Variants in RFC3 observed in about 807,000 individuals in gnomAD.
The protein encoded by RFC3 is replication factor C subunit 3.
RFC3 carries 41 observed loss-of-function variants against 45.1 expected under a neutral mutation model. That is an observed-to-expected ratio of 0.91 (90% CI 0.71 to 1.18). The LOEUF is 1.18. Among genes scored for constraint, RFC3 ranks in the 50% most tolerant of loss-of-function variants. RFC3 has a pLI of 0.00. For missense variants in RFC3, 423 were observed against 428.1 expected (o/e 0.99, Z 0.10); for synonymous variants, 149 against 144.0 (o/e 1.03, Z -0.25).
In RFC3 at chr13:33,877,360, C is replaced by T. The variant is rs1296436762; in HGVS notation, c.879+42143C>T. Among the ~76,000 whole-genome samples the T allele has an allele frequency of 4.6e-5, 7 of 152,266 alleles. No homozygotes were observed. The East Asian group carries it at 5.8e-4, about 13-fold the overall frequency. ...CTTTCATTAAATGATCACAGTGCTCCTATGGAGAGAATCTCATTAACTGCA... is the reference window on the plus strand; with the variant it reads ...CTTTCATTAAATGATCACAGTGCTCTTATGGAGAGAATCTCATTAACTGCA... On this transcript the variant is annotated intron_variant, in intron 8 of 8. Coordinates refer to the RFC3 transcript ENST00000434425.
intron 8 of RFC3, among the ~76,000 whole-genome samples, chr13:33,875,780 C>T (rs1490863227): frequency 6.6e-6 from 1 of 151,994 alleles, no homozygotes; most frequent in Admixed American, 6.6e-5. Context: ...ATATGTTCCC[C>T]GTCAATCACT....
intron 8 of RFC3, among the ~76,000 whole-genome samples, chr13:33,910,229 A>G (rs185302412): frequency 4.6e-5 from 7 of 152,208 alleles, no homozygotes; most frequent in Admixed American, 2.0e-4. Context: ...TCTCTCAAAA[A>G]GAGATAACAT....
chr13:33,975,372 A>G, the RFC3 span, among the ~76,000 whole-genome samples: 3 of 152,238 alleles, frequency 2.0e-5, no homozygotes, highest in Admixed American at 2.0e-4. Flanking sequence ...AGTGGTTGCT[A>G]GAAGTTCCAT....
At chr13:33,840,597 TG>T (rs59904362), downstream of RFC3, among the ~76,000 whole-genome samples, 129,326 of 149,758 alleles carry the variant, frequency 0.86, 56,445 homozygotes, top group Non-Finnish European at 0.93. Context: ...TTTTTGTGTG[TG>T]TTTTTTTTTA....
intron 4 of RFC3, among the ~76,000 whole-genome samples, chr13:33,827,386 ACT>A (rs1190809216): frequency 3.9e-5 from 6 of 152,334 alleles, no homozygotes; most frequent in African/African-American, 1.2e-4. Context: ...CTGCTTAGTC[ACT>A]GTTTCAAACA....
At chr13:33,904,478 G>A (rs1384412851) in intron 8 of RFC3, among the ~76,000 whole-genome samples, 1 of 151,940 alleles carries the variant, frequency 6.6e-6, no homozygotes, top group Non-Finnish European at 1.5e-5. Context: ...CCATCTCAGA[G>A]CCTTATCATC....
chr13:33,908,577 G>T (rs201651480), intron 8 of RFC3, among the ~76,000 whole-genome samples: 3 of 149,062 alleles, frequency 2.0e-5, no homozygotes, highest in East Asian at 2.0e-4. Flanking sequence ...ATTGGTCAGG[G>T]TTCGCCAGAG....
Position 33,845,143 on chromosome 13 carries a change from G to A in RFC3, c.879+9926G>A, listed in dbSNP as rs796362712. Among the ~76,000 whole-genome samples, 4 of 152,178 alleles carry A rather than the reference G, an allele frequency of 2.6e-5. No individual in the cohort carries two copies. The South Asian group carries it at 8.3e-4, about 32-fold the overall frequency. ...TAAGATTTCCATAGTGAAATCTGCT[G>A]CCAGACATATTGGAGCCCCATTGTA... is the stretch of plus-strand genomic sequence containing the variant. On this transcript the variant is annotated intron_variant, in intron 8 of 8. Coordinates refer to the RFC3 transcript ENST00000434425.
At chr13:33,958,396 GGA>G (rs2083035230) in intron 8 of RFC3, among the ~76,000 whole-genome samples, 1 of 152,174 alleles carries the variant, frequency 6.6e-6, no homozygotes, top group Non-Finnish European at 1.5e-5. Context: ...GGGGATTTCT[GGA>G]GGTATTTGCA....
At chr13:33,819,075 A>G (rs536795249) in intron 1 of RFC3, among the ~76,000 whole-genome samples, 3 of 151,814 alleles carry the variant, frequency 2.0e-5, no homozygotes, top group Non-Finnish European at 4.4e-5. Flanking sequence ...ATTTTTCAGT[A>G]GAGACGGGGT....
intron 8 of RFC3, among the ~76,000 whole-genome samples, chr13:33,877,926 A>G (rs1489612299): frequency 6.6e-6 from 1 of 151,464 alleles, no homozygotes; most frequent in African/African-American, 2.4e-5. Context: ...ATAGGCTATT[A>G]TAGCCTCTGC....
chr13:33,850,961 A>G (rs1289697227), intron 8 of RFC3: 1 of 152,158 alleles, frequency 6.6e-6, no homozygotes, highest in Non-Finnish European at 1.5e-5. Flanking sequence ...TTTTTTCCTC[A>G]CAAAATAAAT....
chr13:33,892,437 T>C (rs1427805647), intron 8 of RFC3, among the ~76,000 whole-genome samples: 1 of 152,220 alleles, frequency 6.6e-6, no homozygotes, highest in Non-Finnish European at 1.5e-5. Context: ...CTGCTCCAAA[T>C]AAAACTGTAA....
chr13:33,858,681 G>A (rs1009155567), intron 8 of RFC3, among the ~76,000 whole-genome samples: 1 of 152,054 alleles, frequency 6.6e-6, no homozygotes, highest in African/African-American at 2.4e-5. Context: ...AGAACAGTGG[G>A]GCATATGATT....
At chr13:33,886,700 T>G (rs1255203907) in intron 8 of RFC3, among the ~76,000 whole-genome samples, 2 of 150,430 alleles carry the variant, frequency 1.3e-5, no homozygotes, top group East Asian at 2.0e-4. Context: ...TAGTTACATA[T>G]GTATACATGT....
chr13:33,893,642 T>C (rs1593671871), intron 8 of RFC3, among the ~76,000 whole-genome samples: 1 of 151,962 alleles, frequency 6.6e-6, no homozygotes, highest in East Asian at 1.9e-4. Flanking sequence ...AGAAAATCAA[T>C]GCAGAAATTT....
At chr13:33,943,351 T>C (rs940541331) in intron 8 of RFC3, among the ~76,000 whole-genome samples, 6 of 152,218 alleles carry the variant, frequency 3.9e-5, no homozygotes, top group African/African-American at 1.4e-4. Flanking sequence ...TGCTGCTTAA[T>C]AGATTACCAC....
chr13:33,872,736 TAACA>T (rs200731406), intron 8 of RFC3, among the ~76,000 whole-genome samples: 4 of 126,002 alleles, frequency 3.2e-5, no homozygotes, highest in East Asian at 2.3e-4. Flanking sequence ...TACCTCTCAA[TAACA>T]AACAAACAAC....
chr13:33,923,650 GGGAAAGACAACCACAGGA>G (rs1168213162), intron 8 of RFC3, among the ~76,000 whole-genome samples: 2 of 152,100 alleles, frequency 1.3e-5, no homozygotes, highest in Non-Finnish European at 2.9e-5. Context: ...GGTTGTAAAT[GGGAAAGACAACCACAGGA>G]GGAGGTGAGG....
Sources: gnomAD v4.1 joint callset for allele counts (sites outside exome capture counted in the v4.1 genomes callset) on GRCh38, gnomAD v4.1.1 for gene constraint, MANE v1.5 for transcripts, NCBI Gene and HGNC (gene_info 2026-07-23, HGNC 2026-07-21) for gene names.